Variants in DAB1 observed in about 807,000 individuals in gnomAD.
DAB1 encodes the protein disabled homolog 1.
DAB1 carries 15 observed loss-of-function variants against 64.6 expected under a neutral mutation model. The ratio of observed to expected loss-of-function variants is 0.23; its 90% CI spans 0.16 to 0.36. The LOEUF (loss-of-function observed/expected upper bound fraction) is 0.36. Among genes scored for constraint, DAB1 ranks in the 10% least tolerant of loss-of-function variants. The pLI, the probability that DAB1 is intolerant of heterozygous loss-of-function variation, is 1.00. For synonymous variants in DAB1, 235 were observed against 251.9 expected (o/e 0.93, Z 0.64); for missense variants, 596 against 706.7 (o/e 0.84, Z 1.78).
intron 5 of DAB1, among the ~76,000 whole-genome samples, chr1:58,082,403 T>A (rs929544588): frequency 1.8e-4 from 27 of 149,784 alleles, no homozygotes; most frequent in African/African-American, 6.7e-4. Flanking sequence ...AGAAAGATTC[T>A]AGGAAAGCCA....
chr1:58,181,650 A>G (rs1193540579), intron 4 of DAB1, among the ~76,000 whole-genome samples: 1 of 152,078 alleles, frequency 6.6e-6, no homozygotes, highest in Non-Finnish European at 1.5e-5. Context: ...TTAACTTTTC[A>G]TAATATACTT....
chr1:58,118,469 CATATATATATATATAT>C lies in DAB1; in HGVS notation n.387+32026_387+32041del, dbSNP rs370100684. ...CATGATGCCAGGCACTATCCTAAGG[CATATATATATATATAT>C]ATATATATATATATATATACACACA... On this transcript the variant is annotated intron_variant and non_coding_transcript_variant, in intron 5 of 20. Coordinates refer to the DAB1 transcript ENST00000485760. Among the ~76,000 whole-genome samples the C allele has an allele frequency of 1.8e-4, 4 of 22,034 alleles. 1 individual carries two copies. The highest frequency in any genetic ancestry group is 7.7e-4 in the Admixed American group (1 of 1,298). 14.5% of individuals were successfully genotyped at this position (22,034 alleles called of 152,430 possible).
At chr1:58,132,282 T>C (rs955630403) in intron 5 of DAB1, among the ~76,000 whole-genome samples, 6 of 152,172 alleles carry the variant, frequency 3.9e-5, no homozygotes, top group African/African-American at 1.4e-4. Flanking sequence ...CCCCTTGCGC[T>C]TCCCAAGTGA....
At position 57,930,640 on chromosome 1, in the gene DAB1, T is replaced by C. The variant is rs183393824; in HGVS notation, n.388-46478A>G. ...TATTTTTTAGGTGTGCTAATTGATATTGTGTTTTTAATTTCAAATTCTGTT... is the reference window on the plus strand; with the variant it reads ...TATTTTTTAGGTGTGCTAATTGATACTGTGTTTTTAATTTCAAATTCTGTT... On this transcript the variant is annotated intron_variant and non_coding_transcript_variant, in intron 5 of 20. Transcript: ENST00000485760. 1.1e-4 allele frequency among the ~76,000 whole-genome samples: 16 copies of C among 152,316 alleles called. 1 individual carries two copies. In the South Asian group the frequency reaches 1.4e-3, roughly 14 times the overall value.
At chr1:58,437,849 A>G (rs1569785454) in intron 3 of DAB1, among the ~76,000 whole-genome samples, 1 of 152,212 alleles carries the variant, frequency 6.6e-6, no homozygotes, top group East Asian at 1.9e-4. Flanking sequence ...GGGTGAGCAC[A>G]TGACCACGGC....
At chr1:58,280,531 T>C (rs1010078870) in intron 4 of DAB1, among the ~76,000 whole-genome samples, 5 of 152,204 alleles carry the variant, frequency 3.3e-5, no homozygotes, top group African/African-American at 1.2e-4. Flanking sequence ...ACATGTAAAA[T>C]GCTGAGCTTG....
intron 4 of DAB1, among the ~76,000 whole-genome samples, chr1:58,283,803 T>A (rs192096532): frequency 1.4e-4 from 21 of 152,242 alleles, no homozygotes; most frequent in Non-Finnish European, 2.8e-4. Context: ...ATTTTGGAGC[T>A]GCCCACATTG....
At chr1:57,586,419 A>G (rs1196033255) in intron 7 of DAB1, among the ~76,000 whole-genome samples, 1 of 152,160 alleles carries the variant, frequency 6.6e-6, no homozygotes, top group African/African-American at 2.4e-5. Flanking sequence ...AGGGCAGGAA[A>G]TGTAATACAC....
intron 3 of DAB1, among the ~76,000 whole-genome samples, chr1:58,476,392 G>A (rs529008139): frequency 2.8e-4 from 43 of 152,252 alleles, no homozygotes; most frequent in African/African-American, 9.6e-4. Context: ...CTAGTGTGGT[G>A]AGAACACCTG....
intron 7 of DAB1, among the ~76,000 whole-genome samples, chr1:57,589,245 A>C (rs1033730615): frequency 6.6e-6 from 1 of 152,146 alleles, no homozygotes; most frequent in African/African-American, 2.4e-5. Context: ...AAACAAAAAA[A>C]CCATATGTTT....
intron 1 of DAB1, among the ~76,000 whole-genome samples, chr1:58,532,451 G>T (rs952023678): frequency 3.9e-5 from 6 of 152,270 alleles, no homozygotes; most frequent in African/African-American, 1.4e-4. Context: ...GCCATTACTT[G>T]AAAGATATTA....
intron 2 of DAB1, among the ~76,000 whole-genome samples, chr1:57,229,273 AAC>A (rs1420181047): frequency 6.0e-5 from 9 of 150,890 alleles, no homozygotes; most frequent in Non-Finnish European, 8.8e-5. Flanking sequence ...GGCTCACTGC[AAC>A]CTCGACCTCC....
At chr1:57,144,109 C>T (rs992269427) in intron 3 of DAB1, among the ~76,000 whole-genome samples, 2 of 151,700 alleles carry the variant, frequency 1.3e-5, no homozygotes, top group Non-Finnish European at 2.9e-5. Flanking sequence ...AAAATATTGA[C>T]ACTGATTGTC....
chr1:57,580,208 G>A (rs1645296884), intron 7 of DAB1, among the ~76,000 whole-genome samples: 1 of 152,126 alleles, frequency 6.6e-6, no homozygotes, highest in African/African-American at 2.4e-5. Flanking sequence ...TTCTCAAGAA[G>A]GAAAACTGAG....
intron 2 of DAB1, among the ~76,000 whole-genome samples, chr1:57,159,006 T>C (rs994437004): frequency 6.6e-6 from 1 of 152,168 alleles, no homozygotes; most frequent in Non-Finnish European, 1.5e-5. Flanking sequence ...CCTGGGAATC[T>C]GAACTTTAAA....
intron 5 of DAB1, among the ~76,000 whole-genome samples, chr1:58,067,968 C>T (rs1324441373): frequency 6.6e-6 from 1 of 152,150 alleles, no homozygotes; most frequent in Non-Finnish European, 1.5e-5. Flanking sequence ...TTGTCACAAA[C>T]AGTAAGATAG....
At chr1:57,162,098 A>T (rs1249243727) in intron 2 of DAB1, among the ~76,000 whole-genome samples, 1 of 152,230 alleles carries the variant, frequency 6.6e-6, no homozygotes, top group East Asian at 1.9e-4. Context: ...CAGTGAAAAG[A>T]TGCATTTTCC....
intron 7 of DAB1, among the ~76,000 whole-genome samples, chr1:57,604,325 T>C (rs1645609666): frequency 6.6e-6 from 1 of 152,110 alleles, no homozygotes; most frequent in Non-Finnish European, 1.5e-5. Context: ...CATGAGATTA[T>C]GTAGGTGAAG....
At chr1:58,338,629 G>A (rs1456939872) in intron 4 of DAB1, among the ~76,000 whole-genome samples, 1 of 152,176 alleles carries the variant, frequency 6.6e-6, no homozygotes, top group Non-Finnish European at 1.5e-5. Context: ...CGTTGCCCTT[G>A]TAGAGTTCAT....
Sources: allele counts gnomAD v4.1 joint callset (sites outside exome capture counted in the v4.1 genomes callset), GRCh38; gene constraint gnomAD v4.1.1; transcripts MANE v1.5; gene names NCBI Gene and HGNC (gene_info 2026-07-23, HGNC 2026-07-21).